The following ARHGAP39 variants were observed in gnomAD, a reference collection of about 807,000 sequenced individuals.
ARHGAP39 encodes Rho GTPase activating protein 39.
In ARHGAP39, 44 loss-of-function variants were observed where a neutral mutation model predicts 106.9. The ratio of observed to expected loss-of-function variants is 0.41; its 90% CI spans 0.32 to 0.53. The LOEUF is 0.53. Ranked by LOEUF, ARHGAP39 falls within the 20% of genes least tolerant of loss-of-function variation. The pLI, the probability that ARHGAP39 is intolerant of heterozygous loss-of-function variation, is 0.21. For missense variants in ARHGAP39, 1,496 were observed against 1,577.3 expected (o/e 0.95, Z 0.87); for synonymous variants, 768 against 693.2 (o/e 1.11, Z -1.69).
chr8:144,548,575 C>T lies in ARHGAP39; in HGVS notation c.597-86G>A. The T allele has an allele frequency of 6.7e-7, 1 of 1,485,064 alleles. No individual in the cohort carries two copies. The highest frequency in any genetic ancestry group is 1.3e-5 in the South Asian group (1 of 76,386). 92.0% of individuals were successfully genotyped at this position (1,485,064 alleles called of 1,614,324 possible). On this transcript the variant is annotated intron_variant, in intron 4 of 11. Coordinates refer to ENST00000377307, the MANE Select transcript of ARHGAP39 (RefSeq NM_025251.3). This position sits in a 1 kb window ranked among gnomAD's most constrained non-coding sequence, Gnocchi z 7.4. ...CCCCCTCGGGGGCTGTAGGCAGCGG[C>T]TCCCGCGAACCCTCTGTTGTACACC...
At chr8:144,610,345 TTTAGAC>T (rs1820445460) in intron 1 of ARHGAP39, among the ~76,000 whole-genome samples, 3 of 152,206 alleles carry the variant, frequency 2.0e-5, no homozygotes, top group Admixed American at 2.0e-4. Flanking sequence ...TTTTGCATCC[TTTAGAC>T]TTAATTTGCT....
chr8:144,669,939 C>T (rs1822059738), intron 1 of ARHGAP39, among the ~76,000 whole-genome samples: 1 of 152,198 alleles, frequency 6.6e-6, no homozygotes, highest in Non-Finnish European at 1.5e-5. Context: ...GGGGCAGCTG[C>T]TTTGGAAAAC....
chr8:144,603,784 G>A (rs571749720), intron 2 of ARHGAP39, among the ~76,000 whole-genome samples: 1 of 151,936 alleles, frequency 6.6e-6, no homozygotes, highest in South Asian at 2.1e-4. Flanking sequence ...TGTAAGACCA[G>A]TATTCCCTAA....
At chr8:144,643,775 C>T (rs924055156) in intron 1 of ARHGAP39, among the ~76,000 whole-genome samples, 15 of 152,258 alleles carry the variant, frequency 9.9e-5, no homozygotes, top group East Asian at 1.9e-4. Flanking sequence ...GGATTACATG[C>T]GTAACCACCA....
intron 1 of ARHGAP39, among the ~76,000 whole-genome samples, chr8:144,628,925 C>G (rs1325008755): frequency 6.6e-6 from 1 of 152,200 alleles, no homozygotes; most frequent in African/African-American, 2.4e-5. Context: ...CATTGCCGCA[C>G]CCCATCACTT....
intron 1 of ARHGAP39, among the ~76,000 whole-genome samples, chr8:144,619,893 C>T (rs1820747800): frequency 9.8e-6 from 1 of 101,738 alleles, no homozygotes; most frequent in African/African-American, 3.9e-5. Context: ...TGAGCCTGTA[C>T]ATCCCTGAGA....
chr8:144,656,129 G>A (rs1372889018), intron 1 of ARHGAP39, among the ~76,000 whole-genome samples: 1 of 139,168 alleles, frequency 7.2e-6, no homozygotes, highest in East Asian at 2.2e-4. Context: ...CAGGCAAAAA[G>A]ATAATACTGG....
intron 2 of ARHGAP39, among the ~76,000 whole-genome samples, chr8:144,584,615 T>C (rs756525597): frequency 6.6e-6 from 1 of 151,982 alleles, no homozygotes; most frequent in Non-Finnish European, 1.5e-5. Flanking sequence ...ATACAAAAAT[T>C]AGCCAGGTGT....
rs746404511 is a variant in ARHGAP39 at position 144,547,873 on chromosome 8, CCGCCTG to C, written c.1207_1212del (p.Gln403_Ala404del). The C allele has an allele frequency of 2.5e-6, 4 of 1,584,698 alleles. No individual in the cohort carries two copies. The highest frequency in any genetic ancestry group is 3.4e-6 in the Non-Finnish European group (4 of 1,166,134). ...CCGGCGCGCAGCTTGGGGCTGGAGC[CCGCCTG>C]CTCCACGTAGACCAGCTGCCGCACG... On this transcript the variant is annotated inframe_deletion, in exon 5 of 12. Coordinates refer to ENST00000377307, the MANE Select transcript of ARHGAP39 (RefSeq NM_025251.3). The surrounding 1 kb of genome is among the most constrained non-coding windows in gnomAD (Gnocchi z 5.2).
intron 2 of ARHGAP39, among the ~76,000 whole-genome samples, chr8:144,594,132 G>A (rs1819509757): frequency 6.6e-6 from 1 of 150,950 alleles, no homozygotes; most frequent in Non-Finnish European, 1.5e-5. Context: ...GTTTAAAGAT[G>A]GGCAAAATAT....
rs1024004534 is a variant in ARHGAP39 at position 144,605,821 on chromosome 8, G to A, written c.-81-126C>T. On this transcript the variant is annotated intron_variant, in intron 1 of 11. Transcript: ENST00000377307. Reference sequence around the variant, plus strand: ...ATGGACTCCACGGCACCCGTGAGCCGCCCCCGGGCAGCCAACCCCACTCCT... The same window carrying A: ...ATGGACTCCACGGCACCCGTGAGCCACCCCCGGGCAGCCAACCCCACTCCT... 18 of 588,010 alleles carry A rather than the reference G, an allele frequency of 3.1e-5. No homozygotes were observed. In the Admixed American group the frequency reaches 3.5e-4, roughly 11 times the overall value. The allele number at this position is 588,010 out of a possible 1,614,324, so 36.4% of individuals were successfully genotyped here.
intron 3 of ARHGAP39, among the ~76,000 whole-genome samples, chr8:144,570,658 G>C (rs886798936): frequency 3.9e-5 from 6 of 152,124 alleles, no homozygotes; most frequent in African/African-American, 1.4e-4. Context: ...TCTAGGAGGA[G>C]ACTTTAACTC....
In ARHGAP39 at chr8:144,605,691, C is replaced by A; in HGVS notation, c.-77G>T. On this transcript the variant is annotated 5_prime_UTR_variant, in exon 2 of 12. Transcript: ENST00000377307. ...AACGCCAGCATCAGACGGGAAGGTG[C>A]CGCACTGCAAGAGGGGAGAAGCAAC... 3 of 1,439,468 alleles carry A rather than the reference C, an allele frequency of 2.1e-6. No individual in the cohort carries two copies. Among genetic ancestry groups the A allele is most frequent in the Non-Finnish European group, 2.9e-6 (3 of 1,033,336 alleles). The allele number at this position is 1,439,468 out of a possible 1,614,324, so 89.2% of individuals were successfully genotyped here.
chr8:144,537,843 C>A, intron 6 of ARHGAP39, 30 bp from the exon 7 acceptor site: 1 of 1,602,058 alleles, frequency 6.2e-7, no homozygotes, highest in Non-Finnish European at 8.5e-7. Flanking sequence ...ATCAGCACGA[C>A]AGAACAAAAC....
intron 3 of ARHGAP39, among the ~76,000 whole-genome samples, chr8:144,557,748 T>C (rs557375775): frequency 2.0e-5 from 3 of 152,238 alleles, no homozygotes; most frequent in Admixed American, 1.3e-4. Flanking sequence ...ACCTTCGTAG[T>C]ATTCAGTGGC....
At position 144,547,233 on chromosome 8, in the gene ARHGAP39, C is replaced by T; in HGVS notation, c.1853G>A (p.Arg618Lys). 2 of 1,612,642 alleles carry T rather than the reference C, an allele frequency of 1.2e-6. No individual in the cohort carries two copies. The highest frequency in any genetic ancestry group is 1.1e-5 in the South Asian group (1 of 91,036). Residue 618 changes from arginine to lysine, a missense_variant, in exon 5 of 12, where the codon AGG (arginine) becomes AAG (lysine). Coordinates refer to ENST00000377307, the MANE Select transcript of ARHGAP39 (RefSeq NM_025251.3). The surrounding 1 kb of genome is among the most constrained non-coding windows in gnomAD (Gnocchi z 5.2). ...ALAQQENRHW[R>K]RGTFEKLGFP... is the part of the protein sequence containing the mutation. ...GCCTAGCTTCTCGAAGGTGCCCCTCCTCCAGTGCCTGTTCTCCTGCTGGGC... is the reference window on the plus strand; with the variant it reads ...GCCTAGCTTCTCGAAGGTGCCCCTCTTCCAGTGCCTGTTCTCCTGCTGGGC...
At chr8:144,617,421 C>T (rs983522354) in intron 1 of ARHGAP39, among the ~76,000 whole-genome samples, 15 of 140,820 alleles carry the variant, frequency 1.1e-4, no homozygotes, top group African/African-American at 2.5e-4. Flanking sequence ...GAGCACCCAG[C>T]GCCACAAACC....
chr8:144,695,383 ACTTT>A, the ARHGAP39 span, among the ~76,000 whole-genome samples: 1 of 151,436 alleles, frequency 6.6e-6, no homozygotes, highest in Non-Finnish European at 1.5e-5. Flanking sequence ...CATTCTAAGC[ACTTT>A]CTATACACCA....
chr8:144,601,025 T>A (rs1819889612), intron 2 of ARHGAP39, among the ~76,000 whole-genome samples: 3 of 144,688 alleles, frequency 2.1e-5, no homozygotes, highest in Admixed American at 2.1e-4. Flanking sequence ...TGGAGGCGTG[T>A]GCTCGTGTAC....
Sources: gnomAD v4.1 joint callset for allele counts (sites outside exome capture counted in the v4.1 genomes callset) on GRCh38, gnomAD v4.1.1 for gene constraint, Gnocchi (gnomAD v3.1) non-coding constraint, MANE v1.5 for transcripts, NCBI Gene and HGNC (gene_info 2026-07-23, HGNC 2026-07-21) for gene names.